MICALL2: variants seen among roughly 807,000 people sequenced by gnomAD.
The protein encoded by MICALL2 is MICAL like 2.
Under a neutral mutation model 91.1 loss-of-function variants are expected in MICALL2, and 111 were observed. The observed-to-expected ratio is 1.22, with a 90% CI of 1.04 to 1.43. The LOEUF is 1.43. Among genes scored for constraint, MICALL2 ranks in the 40% most tolerant of loss-of-function variants. The probability of loss-of-function intolerance (pLI) is 0.00; values close to 1 mark genes in which losing one functional copy is unlikely to be tolerated. For synonymous variants in MICALL2, 694 were observed against 525.3 expected, an observed-to-expected ratio of 1.32 and a Z score of -4.39; for missense variants, 1,556 against 1,236.0, an observed-to-expected ratio of 1.26 and a Z score of -3.88.
rs577786449 is a variant in MICALL2 at position 1,447,475 on chromosome 7, G to A, written c.525+100C>T. 4.2e-6 allele frequency: 3 copies of A among 713,106 alleles called. No homozygotes were observed. In the Admixed American group the frequency reaches 9.1e-5, roughly 22 times the overall value. The allele number at this position is 713,106 out of a possible 1,614,324, so 44.2% of individuals were successfully genotyped here. A position where few individuals can be genotyped will look rare whatever the true frequency, so the allele number is the denominator to read the frequency against. ...ACTGGGGGAGCCGCACCCCACTCTGGGTCCCGTGGCTTAGGGGCCGCACGT... is the reference window on the plus strand; with the variant it reads ...ACTGGGGGAGCCGCACCCCACTCTGAGTCCCGTGGCTTAGGGGCCGCACGT... On this transcript the variant is annotated intron_variant, in intron 4 of 16. Coordinates refer to ENST00000297508, the MANE Select transcript of MICALL2 (RefSeq NM_182924.4).
chr7:1,448,540 A>G, intron 3 of MICALL2, 80 bp downstream of exon 3: 11 of 1,519,132 alleles, frequency 7.2e-6, no homozygotes, highest in Non-Finnish European at 1.0e-5. Context: ...ATGGACCCCA[A>G]AAAGTCCACA....
At chr7:1,444,118 A>G (rs1183916581) in intron 6 of MICALL2, among the ~76,000 whole-genome samples, 1 of 1,086 alleles carries the variant, frequency 9.2e-4, no homozygotes. Flanking sequence ...CCCGCTCGCG[A>G]CCTGTCCCCG....
At position 1,459,438 on chromosome 7, in the gene MICALL2, A is replaced by G. The variant is rs974335038; in HGVS notation, c.-112T>C. 2.8e-6 allele frequency: 3 copies of G among 1,054,576 alleles called. No homozygotes were observed. The highest frequency in any genetic ancestry group is 4.3e-5 in the Admixed American group (1 of 23,238). 65.3% of individuals were successfully genotyped at this position (1,054,576 alleles called of 1,614,324 possible). A position where few individuals can be genotyped will look rare whatever the true frequency, so the allele number is the denominator to read the frequency against. Reference sequence around the variant, plus strand: ...GCTGGGACCGCTACGGAACCGCCAGACCCACGGCGCCCAGCCCCAGCTGAG... The same window carrying G: ...GCTGGGACCGCTACGGAACCGCCAGGCCCACGGCGCCCAGCCCCAGCTGAG... On this transcript the variant is annotated 5_prime_UTR_variant, in exon 1 of 17. Coordinates refer to ENST00000297508, the MANE Select transcript of MICALL2 (RefSeq NM_182924.4).
intron 9 of MICALL2, 117 bp downstream of exon 9, chr7:1,439,808 G>A (rs28718334): frequency 0.19 from 155,950 of 821,526 alleles, 18,607 homozygotes; most frequent in African/African-American, 0.51. Flanking sequence ...CTGGCTGACC[G>A]GAGCGCCTCT....
rs1433317708 is a variant in MICALL2, at chr7:1,438,966, T to G, written c.1996A>C (p.Arg666=). Residue 666 remains arginine (R), a synonymous_variant, in exon 10 of 17, where the codon AGA becomes CGA. Transcript: ENST00000297508. Reference sequence around the variant, plus strand: ...TCGAGGCTGGCAGGGACGGCCAGTCTCCTGCGGCGGGGTGGGGAGGGGGAC... The same window carrying G: ...TCGAGGCTGGCAGGGACGGCCAGTCGCCTGCGGCGGGGTGGGGAGGGGGAC... ...ARSPSPPRRR[R]LAVPASLDVC... 1 of 1,599,776 alleles carries G rather than the reference T, an allele frequency of 6.3e-7. No individual in the cohort carries two copies. The highest frequency in any genetic ancestry group is 1.7e-5 in the Admixed American group (1 of 59,934).
chr7:1,453,501 T>C (rs1452437248), intron 1 of MICALL2, among the ~76,000 whole-genome samples: 1 of 152,124 alleles, frequency 6.6e-6, no homozygotes, highest in East Asian at 1.9e-4. Context: ...GGGAGGACAC[T>C]TTCCGTTGTT....
At chr7:1,446,689 C>A (rs760015690) in intron 5 of MICALL2, 24 bp downstream of exon 5, 10 of 1,517,554 alleles carry the variant, frequency 6.6e-6, no homozygotes, top group East Asian at 2.4e-5. Flanking sequence ...CACACTCAGG[C>A]GTGCGGGCAG....
chr7:1,445,384 G>T lies in MICALL2; in HGVS notation c.686C>A (p.Ala229Asp). 1 of 1,577,790 alleles carries T rather than the reference G, an allele frequency of 6.3e-7. No individual in the cohort carries two copies. Among genetic ancestry groups the T allele is most frequent in the South Asian group, 1.1e-5 (1 of 88,100 alleles). ...SCTLHSGAYK[A>D]TGEPGTFVCT... is the part of the protein sequence containing the mutation. The stretch of plus-strand genomic sequence containing the variant: ...GACGAAGGTGCCCGGCTCTCCTGTG[G>T]CCTTGTAGGCCCCCGAGTGCAGCGT... The change falls in exon 6 of 17, where the codon GCC becomes GAC. Residue 229 changes from alanine to aspartate, a missense_variant. By Grantham distance (126) the Ala-to-Asp change is moderately radical. Transcript: ENST00000297508.
At chr7:1,436,913 G>A (rs1313913455) in intron 14 of MICALL2, 57 bp from the exon 15 acceptor site, 13 of 1,302,920 alleles carry the variant, frequency 1.0e-5, no homozygotes, top group Admixed American at 2.6e-5. Flanking sequence ...CCCCTCACAG[G>A]ACACAATGTC....
At chr7:1,435,058 C>G in intron 16 of MICALL2, 43 bp downstream of exon 16, 1 of 1,607,176 alleles carries the variant, frequency 6.2e-7, no homozygotes, top group Non-Finnish European at 8.5e-7. Context: ...CCCCGGCCCA[C>G]CCAGCCAGCC....
rs772507179 is a variant in MICALL2, at chr7:1,438,088, G to A, written c.2311+9C>T. On this transcript the variant is annotated intron_variant, in intron 12 of 16. Transcript: ENST00000297508. ...TCGGGCTGGCCCAGGGCCAGGCCGA[G>A]GCGCTCACCTCCCTCGGCCGCCCGC... The A allele has an allele frequency of 1.3e-4, 202 of 1,571,292 alleles. No individual in the cohort carries two copies. The Middle Eastern group carries it at 3.2e-3, about 25-fold the overall frequency.
intron 1 of MICALL2, among the ~76,000 whole-genome samples, chr7:1,454,835 G>A (rs1009207112): frequency 1.3e-5 from 2 of 152,108 alleles, no homozygotes; most frequent in African/African-American, 4.8e-5. Flanking sequence ...GGGGAGCCCC[G>A]CCACCCTTGG....
At chr7:1,447,302 C>T (rs1000574090) in intron 4 of MICALL2, among the ~76,000 whole-genome samples, 63 of 152,278 alleles carry the variant, frequency 4.1e-4, no homozygotes, top group African/African-American at 1.4e-3. Flanking sequence ...CTTCTCTCCC[C>T]GGGAGAGAGG....
At chr7:1,450,992 C>T (rs1780806375) in intron 1 of MICALL2, among the ~76,000 whole-genome samples, 1 of 152,212 alleles carries the variant, frequency 6.6e-6, no homozygotes, top group Non-Finnish European at 1.5e-5. Flanking sequence ...CCAGGTCACA[C>T]AGCGGGGAGA....
intron 6 of MICALL2, among the ~76,000 whole-genome samples, 185 bp from the exon 7 acceptor site, chr7:1,442,669 C>T (rs1007139873): frequency 1.4e-5 from 2 of 140,106 alleles, no homozygotes; most frequent in Non-Finnish European, 3.4e-5. Flanking sequence ...CTCCGCCTCC[C>T]CCACCATTGC....
At position 1,438,918 on chromosome 7, in the gene MICALL2, G is replaced by T. The variant is rs1186705945; in HGVS notation, c.2044C>A (p.Pro682Thr). ...SLDVCDNWLRPEPPGQEARVQ... is the reference protein window; with the variant it reads ...SLDVCDNWLRTEPPGQEARVQ... ...CGGGCTTCCTGGCCAGGGGGCTCCG[G>T]CCGAAGCCAGTTGTCACAAACGTCG... Residue 682 changes from proline (P) to threonine (T), a missense_variant, in exon 10 of 17, where the codon CCG (proline) becomes ACG (threonine). Coordinates refer to ENST00000297508, the MANE Select transcript of MICALL2 (RefSeq NM_182924.4). 1 of 1,608,624 alleles carries T rather than the reference G, an allele frequency of 6.2e-7. No homozygotes were observed. The highest frequency in any genetic ancestry group is 1.1e-5 in the South Asian group (1 of 91,072).
chr7:1,435,692 T>G (rs1308267350), intron 15 of MICALL2, among the ~76,000 whole-genome samples: 1 of 152,244 alleles, frequency 6.6e-6, no homozygotes, highest in East Asian at 1.9e-4. Context: ...ACAGGAAAGC[T>G]GTCGGGGACA....
In MICALL2 at chr7:1,452,855, C is replaced by A. The variant is rs942184057; in HGVS notation, c.144-2567G>T. Among the ~76,000 whole-genome samples the A allele has an allele frequency of 6.6e-6, 1 of 152,122 alleles. No individual in the cohort carries two copies. Among genetic ancestry groups the A allele is most frequent in the Non-Finnish European group, 1.5e-5 (1 of 68,012 alleles). On this transcript the variant is annotated intron_variant, in intron 1 of 16. Coordinates refer to ENST00000297508, the MANE Select transcript of MICALL2 (RefSeq NM_182924.4). The surrounding 1 kb of genome is among the most constrained non-coding windows in gnomAD (Gnocchi z 6.2). Reference sequence around the variant, plus strand: ...CCTATTCAACTGGGCTGCACCACCCCGGCCGGTCCCACAGCCACCACCCAT... The same window carrying A: ...CCTATTCAACTGGGCTGCACCACCCAGGCCGGTCCCACAGCCACCACCCAT...
Position 1,438,226 on chromosome 7 carries a change from A to G in MICALL2, c.2188-6T>C. On this transcript the variant is annotated splice_region_variant and splice_polypyrimidine_tract_variant and intron_variant, in intron 11 of 16. Transcript: ENST00000297508. ...GAGAGGTAGTCGGGGTGCAGCTGGG[A>G]ACGGAGGGGCGGTGAGGATGCCGGA... The G allele has an allele frequency of 6.3e-7, 1 of 1,588,814 alleles. No homozygotes were observed. Among genetic ancestry groups the G allele is most frequent in the South Asian group, 1.1e-5 (1 of 87,764 alleles).
Sources: gnomAD v4.1 joint callset for allele counts (sites outside exome capture counted in the v4.1 genomes callset) on GRCh38, gnomAD v4.1.1 for gene constraint, Gnocchi (gnomAD v3.1) non-coding constraint, MANE v1.5 for transcripts, NCBI Gene and HGNC (gene_info 2026-07-23, HGNC 2026-07-21) for gene names.